Variants in SORCS1 observed in about 807,000 individuals in gnomAD.
SORCS1 encodes the protein VPS10 domain-containing receptor SorCS1.
A neutral mutation model predicts 146.1 loss-of-function variants in SORCS1; 60 were observed. The observed-to-expected ratio is 0.41, with a 90% CI of 0.33 to 0.51. The LOEUF is 0.51. Among genes scored for constraint, SORCS1 ranks in the 20% least tolerant of loss-of-function variants. The probability of loss-of-function intolerance (pLI) is 0.21; values close to 1 mark genes in which losing one functional copy is unlikely to be tolerated. For missense variants in SORCS1, 1,352 were observed against 1,487.6 expected (o/e 0.91, Z 1.50); for synonymous variants, 637 against 584.0 (o/e 1.09, Z -1.31).
intron 6 of SORCS1, among the ~76,000 whole-genome samples, chr10:106,726,115 C>T (rs1466630723): frequency 6.9e-6 from 1 of 145,190 alleles, no homozygotes; most frequent in Non-Finnish European, 1.5e-5. Flanking sequence ...CTCCTCCTCT[C>T]TGTTTATTTT....
At chr10:106,827,821 C>T (rs533681981) in intron 3 of SORCS1, among the ~76,000 whole-genome samples, 1 of 152,128 alleles carries the variant, frequency 6.6e-6, no homozygotes, top group South Asian at 2.1e-4. Flanking sequence ...TGGCCATCAG[C>T]CACCCACAGC....
intron 2 of SORCS1, among the ~76,000 whole-genome samples, chr10:106,885,725 C>T (rs971210861): frequency 2.6e-5 from 4 of 152,120 alleles, no homozygotes; most frequent in East Asian, 3.9e-4. Context: ...TGAATTGTAG[C>T]TCCTATAATT....
chr10:106,912,064 G>A (rs1409861679), intron 2 of SORCS1, among the ~76,000 whole-genome samples: 2 of 148,364 alleles, frequency 1.3e-5, no homozygotes, highest in African/African-American at 5.0e-5. Context: ...AGTGAGCTGA[G>A]ATCCTGCCAC....
At chr10:106,800,625 C>T (rs1381011402) in intron 3 of SORCS1, among the ~76,000 whole-genome samples, 1 of 150,358 alleles carries the variant, frequency 6.7e-6, no homozygotes, top group Non-Finnish European at 1.5e-5. Context: ...GGGTTCATGC[C>T]ATTCCCCTAC....
intron 14 of SORCS1, among the ~76,000 whole-genome samples, chr10:106,673,980 T>C (rs1851808677): frequency 6.6e-6 from 1 of 151,968 alleles, no homozygotes; most frequent in Non-Finnish European, 1.5e-5. Context: ...AGTGTAGCTA[T>C]TAGGCATATT....
intron 2 of SORCS1, among the ~76,000 whole-genome samples, chr10:106,844,737 C>G (rs1275454100): frequency 3.4e-5 from 4 of 116,354 alleles, no homozygotes; most frequent in African/African-American, 1.3e-4. Context: ...CCCCCTCCCC[C>G]CTCCCCACCA....
intron 17 of SORCS1, among the ~76,000 whole-genome samples, chr10:106,663,122 C>T (rs1472122858): frequency 2.6e-5 from 4 of 152,032 alleles, no homozygotes; most frequent in African/African-American, 9.7e-5. Flanking sequence ...GCAGAAAAAA[C>T]AAAATAACCC....
intron 1 of SORCS1, among the ~76,000 whole-genome samples, chr10:107,027,895 C>G (rs559682757): frequency 6.6e-6 from 1 of 152,330 alleles, no homozygotes; most frequent in East Asian, 1.9e-4. Flanking sequence ...AGAATGTGAA[C>G]ACCTTGATGG....
intron 2 of SORCS1, among the ~76,000 whole-genome samples, chr10:106,833,583 G>T (rs534554749): frequency 4.3e-4 from 65 of 152,206 alleles, no homozygotes; most frequent in Admixed American, 1.4e-3. Context: ...TCACTCAGGG[G>T]CCTCTCAAGT....
chr10:107,164,572 G>A lies in SORCS1; in HGVS notation c.-46C>T. The A allele has an allele frequency of 7.6e-7, 1 of 1,309,512 alleles. No homozygotes were observed. Among genetic ancestry groups the A allele is most frequent in the Non-Finnish European group, 9.7e-7 (1 of 1,030,794 alleles). 81.1% of individuals were successfully genotyped at this position (1,309,512 alleles called of 1,614,324 possible). ...GAGAGAGGGGTCCCAGAACGAAGGT[G>A]GCGGCACGAGCTCTGCGCTGGCGGC... is the stretch of plus-strand genomic sequence containing the variant. On this transcript the variant is annotated 5_prime_UTR_variant, in exon 1 of 26. Coordinates refer to ENST00000263054, the MANE Select transcript of SORCS1 (RefSeq NM_052918.5). The surrounding 1 kb of genome is among the most constrained non-coding windows in gnomAD (Gnocchi z 6.8).
intron 23 of SORCS1, among the ~76,000 whole-genome samples, chr10:106,601,364 T>C (rs1846230129): frequency 6.6e-6 from 1 of 152,256 alleles, no homozygotes; most frequent in South Asian, 2.1e-4. Context: ...CTATTCCACA[T>C]CAGCTAAACA....
At chr10:107,103,496 G>A (rs547722414) in intron 1 of SORCS1, among the ~76,000 whole-genome samples, 129 of 152,268 alleles carry the variant, frequency 8.5e-4, no homozygotes, top group Middle Eastern at 3.4e-3. Flanking sequence ...CTCAGCATAA[G>A]GTCTCTTTGT....
At chr10:106,742,297 A>G (rs991138540) in intron 5 of SORCS1, among the ~76,000 whole-genome samples, 6 of 152,168 alleles carry the variant, frequency 3.9e-5, no homozygotes, top group Admixed American at 6.5e-5. Context: ...ACATACTGAG[A>G]TATCTTAGGG....
chr10:106,925,693 T>G (rs1005689135), intron 2 of SORCS1, among the ~76,000 whole-genome samples: 1 of 152,234 alleles, frequency 6.6e-6, no homozygotes, highest in Non-Finnish European at 1.5e-5. Flanking sequence ...TGCAGCATTT[T>G]ACATATCATT....
chr10:106,861,078 G>A (rs902643086), intron 2 of SORCS1, among the ~76,000 whole-genome samples: 2 of 152,126 alleles, frequency 1.3e-5, no homozygotes, highest in Non-Finnish European at 1.5e-5. Context: ...GGCTGAAGAC[G>A]CAGTGTTATT....
chr10:107,014,821 A>G (rs1177948515), intron 1 of SORCS1, among the ~76,000 whole-genome samples: 1 of 152,224 alleles, frequency 6.6e-6, no homozygotes, highest in Non-Finnish European at 1.5e-5. Context: ...AACTTATTGC[A>G]TACAATTTGA....
chr10:106,891,264 T>C (rs1300144953), intron 2 of SORCS1, among the ~76,000 whole-genome samples: 1 of 152,198 alleles, frequency 6.6e-6, no homozygotes, highest in Non-Finnish European at 1.5e-5. Context: ...GCTGTTTTTA[T>C]AGTGCACCTG....
At chr10:107,107,451 T>C (rs572786236) in intron 1 of SORCS1, among the ~76,000 whole-genome samples, 5 of 152,194 alleles carry the variant, frequency 3.3e-5, no homozygotes, top group Non-Finnish European at 5.9e-5. Flanking sequence ...GAAGGTAGAA[T>C]TTGTGAGCAA....
intron 2 of SORCS1, among the ~76,000 whole-genome samples, chr10:106,866,032 CAAA>C (rs60499735): frequency 3.2e-5 from 3 of 95,130 alleles, no homozygotes; most frequent in Admixed American, 1.2e-4. Flanking sequence ...GATTCCGTCT[CAAA>C]AAAAAAAAAA....
Sources: allele counts gnomAD v4.1 joint callset (sites outside exome capture counted in the v4.1 genomes callset), GRCh38; gene constraint gnomAD v4.1.1; non-coding constraint Gnocchi (gnomAD v3.1); transcripts MANE v1.5; gene names NCBI Gene and HGNC (gene_info 2026-07-23, HGNC 2026-07-21).